The following SCHIP1 variants were observed in gnomAD, a reference collection of about 807,000 sequenced individuals.
SCHIP1 encodes schwannomin-interacting protein 1.
A neutral mutation model predicts 29.7 loss-of-function variants in SCHIP1; 8 were observed. The ratio of observed to expected loss-of-function variants is 0.27; its 90% CI spans 0.16 to 0.49. The LOEUF is 0.49. Ranked by LOEUF, SCHIP1 falls within the 20% of genes least tolerant of loss-of-function variation. The probability of loss-of-function intolerance (pLI) is 0.99; values close to 1 mark genes in which losing one functional copy is unlikely to be tolerated. For missense variants in SCHIP1, 193 were observed against 294.6 expected (o/e 0.66, Z 2.52); for synonymous variants, 76 against 94.9 (o/e 0.80, Z 1.16).
intron 1 of SCHIP1, among the ~76,000 whole-genome samples, chr3:159,862,130 A>G (rs907416539): frequency 1.3e-5 from 2 of 152,188 alleles, no homozygotes; most frequent in African/African-American, 4.8e-5. Flanking sequence ...CATAGTATGT[A>G]TGCTTTGCCA....
chr3:159,536,848 C>T, the SCHIP1 span, among the ~76,000 whole-genome samples: 84 of 152,242 alleles, frequency 5.5e-4, no homozygotes, highest in African/African-American at 1.8e-3. Flanking sequence ...GTGATAAATG[C>T]ATAAAACTCA....
chr3:159,703,503 C>G, the SCHIP1 span, among the ~76,000 whole-genome samples: 1 of 151,982 alleles, frequency 6.6e-6, no homozygotes, highest in Non-Finnish European at 1.5e-5. Context: ...CAGAATTGAA[C>G]TAGAGGTCCC....
At chr3:159,335,999 G>A in the SCHIP1 span, among the ~76,000 whole-genome samples, 2 of 152,190 alleles carry the variant, frequency 1.3e-5, no homozygotes, top group Admixed American at 6.5e-5. Context: ...ATGCTCTCCA[G>A]CACCTGTTGT....
the SCHIP1 span, among the ~76,000 whole-genome samples, chr3:159,472,056 T>G: frequency 6.6e-6 from 1 of 152,158 alleles, no homozygotes; most frequent in Non-Finnish European, 1.5e-5. Context: ...TGAAACCTTA[T>G]AGCAGTGGGA....
the SCHIP1 span, among the ~76,000 whole-genome samples, chr3:159,597,480 A>G: frequency 3.0e-3 from 461 of 152,154 alleles, 5 homozygotes; most frequent in African/African-American, 0.01. Flanking sequence ...CTTTTTACCT[A>G]CATGTGATCA....
chr3:159,603,578 C>A, the SCHIP1 span, among the ~76,000 whole-genome samples: 1 of 152,066 alleles, frequency 6.6e-6, no homozygotes, highest in South Asian at 2.1e-4. Context: ...TTTTAGAGTG[C>A]TATGCCAGGA....
intron 4 of SCHIP1, 105 bp downstream of exon 5, chr3:159,888,010 C>T (rs1281201008): frequency 8.2e-6 from 12 of 1,461,222 alleles, no homozygotes; most frequent in East Asian, 7.4e-5. Context: ...TTCTCTAAGG[C>T]GGTTTGTAAA....
At chr3:159,302,256 T>C in the SCHIP1 span, among the ~76,000 whole-genome samples, 2 of 152,180 alleles carry the variant, frequency 1.3e-5, no homozygotes, top group African/African-American at 4.8e-5. Flanking sequence ...TTTTCTGAGA[T>C]GAGGAAATCT....
chr3:159,507,388 A>G, the SCHIP1 span, among the ~76,000 whole-genome samples: 4 of 152,230 alleles, frequency 2.6e-5, no homozygotes, highest in Non-Finnish European at 5.9e-5. Flanking sequence ...GGGTTTTCTA[A>G]ATATACAATC....
chr3:159,713,225 A>AG, the SCHIP1 span, among the ~76,000 whole-genome samples: 238 of 117,348 alleles, frequency 2.0e-3, no homozygotes, highest in African/African-American at 8.0e-3. Flanking sequence ...AGAGAGAGAG[A>AG]AAGAAAGGAA....
chr3:159,822,710 A>G, the SCHIP1 span, among the ~76,000 whole-genome samples: 1 of 150,376 alleles, frequency 6.6e-6, no homozygotes, highest in Admixed American at 6.6e-5. Context: ...CAGAACTAAC[A>G]CTGGAAAATG....
intron 1 of SCHIP1, among the ~76,000 whole-genome samples, chr3:159,846,847 T>TA: frequency 6.6e-6 from 1 of 151,144 alleles, no homozygotes; most frequent in Middle Eastern, 3.4e-3. Flanking sequence ...TTGAAATCAA[T>TA]AAAAAAATTT....
chr3:159,656,624 A>G, the SCHIP1 span, among the ~76,000 whole-genome samples: 218 of 152,308 alleles, frequency 1.4e-3, no homozygotes, highest in African/African-American at 4.9e-3. Flanking sequence ...CGGTTTTCTC[A>G]TCTGAATTAC....
the SCHIP1 span, among the ~76,000 whole-genome samples, chr3:159,434,444 G>C: frequency 6.6e-6 from 1 of 152,056 alleles, no homozygotes; most frequent in Non-Finnish European, 1.5e-5. Flanking sequence ...AAAAAGTCTG[G>C]TGTTAGATGG....
At chr3:159,442,134 A>C in the SCHIP1 span, among the ~76,000 whole-genome samples, 1 of 152,122 alleles carries the variant, frequency 6.6e-6, no homozygotes, top group African/African-American at 2.4e-5. Flanking sequence ...TGAGACTGTA[A>C]ATGGGTCTTT....
the SCHIP1 span, among the ~76,000 whole-genome samples, chr3:159,403,285 A>G: frequency 1.2e-3 from 185 of 152,322 alleles, 2 homozygotes; most frequent in South Asian, 0.03. Context: ...AAACACCACA[A>G]TGAACAAGTA....
the SCHIP1 span, among the ~76,000 whole-genome samples, chr3:159,611,908 C>G: frequency 0.015 from 2,320 of 152,052 alleles, 54 homozygotes; most frequent in African/African-American, 0.053. Flanking sequence ...TCCTTGACCC[C>G]CTGTGTATTT....
chr3:159,500,901 A>G, the SCHIP1 span, among the ~76,000 whole-genome samples: 15 of 152,268 alleles, frequency 9.9e-5, no homozygotes, highest in East Asian at 2.7e-3. Context: ...CTATTTTCCA[A>G]TTAAAAGCTA....
the SCHIP1 span, among the ~76,000 whole-genome samples, chr3:159,666,717 A>C: frequency 1.3e-5 from 2 of 152,244 alleles, no homozygotes; most frequent in African/African-American, 4.8e-5. Flanking sequence ...ATAAAAACAT[A>C]TGAAAACTTA....
Sources: gnomAD v4.1 joint callset for allele counts (sites outside exome capture counted in the v4.1 genomes callset) on GRCh38, gnomAD v4.1.1 for gene constraint, MANE v1.5 for transcripts, NCBI Gene and HGNC (gene_info 2026-07-23, HGNC 2026-07-21) for gene names.